Variants in ADCY2 observed in about 807,000 individuals in gnomAD.
ADCY2 encodes adenylate cyclase 2, also known as adenylate cyclase type 2.
In ADCY2, 31 loss-of-function variants were observed where a neutral mutation model predicts 125.2. The observed-to-expected ratio is 0.25, with a 90% confidence interval of 0.19 to 0.33. The LOEUF (loss-of-function observed/expected upper bound fraction) is 0.33, where lower values mean the gene tolerates loss of function less well. ADCY2 is among the 10% of genes least tolerant of loss of function. The pLI, the probability that ADCY2 is intolerant of heterozygous loss-of-function variation, is 1.00. For missense variants in ADCY2, 904 were observed against 1,418.2 expected, an observed-to-expected ratio of 0.64 and a Z score of 5.82; for synonymous variants, 512 against 548.4, an observed-to-expected ratio of 0.93 and a Z score of 0.93.
chr5:7,682,288 T>C (rs1740364122), intron 4 of ADCY2, among the ~76,000 whole-genome samples: 1 of 152,170 alleles, frequency 6.6e-6, no homozygotes, highest in Non-Finnish European at 1.5e-5. Context: ...AGAGGGTGCA[T>C]TTCCGTGCAA....
At chr5:7,512,673 A>T (rs1037460363) in intron 2 of ADCY2, among the ~76,000 whole-genome samples, 4 of 152,152 alleles carry the variant, frequency 2.6e-5, no homozygotes. Flanking sequence ...TGTAAATAAT[A>T]TTAACAATTT....
intron 2 of ADCY2, among the ~76,000 whole-genome samples, chr5:7,436,087 C>T (rs771001496): frequency 2.0e-5 from 3 of 152,208 alleles, no homozygotes; most frequent in Admixed American, 6.5e-5. Flanking sequence ...TGGTGTCATT[C>T]ACAGAGTTCA....
At chr5:7,755,346 G>C (rs140902960) in intron 15 of ADCY2, among the ~76,000 whole-genome samples, 7 of 152,092 alleles carry the variant, frequency 4.6e-5, no homozygotes, top group Non-Finnish European at 8.8e-5. Context: ...TCTCCCTCAG[G>C]GGGGCATGTG....
intron 11 of ADCY2, among the ~76,000 whole-genome samples, chr5:7,714,573 C>T (rs367708666): frequency 1.3e-5 from 2 of 152,234 alleles, no homozygotes; most frequent in East Asian, 1.9e-4. Flanking sequence ...AGAATGCCAG[C>T]GTCACATGGC....
chr5:7,714,000 G>A (rs189133003), intron 11 of ADCY2, among the ~76,000 whole-genome samples: 13 of 152,304 alleles, frequency 8.5e-5, no homozygotes, highest in East Asian at 3.9e-4. Context: ...CTAAGTGACC[G>A]TTGGGATGAG....
chr5:7,557,686 C>A (rs1735569182), intron 3 of ADCY2, among the ~76,000 whole-genome samples: 1 of 152,166 alleles, frequency 6.6e-6, no homozygotes, highest in South Asian at 2.1e-4. Context: ...CCTGTCCCTG[C>A]ATAAGGACAC....
intron 7 of ADCY2, among the ~76,000 whole-genome samples, chr5:7,704,508 A>G (rs1741197217): frequency 6.6e-6 from 1 of 152,138 alleles, no homozygotes; most frequent in African/African-American, 2.4e-5. Context: ...CTGTTTACCT[A>G]CTACTCTTGC....
chr5:7,530,445 T>G (rs1217759590), intron 3 of ADCY2, among the ~76,000 whole-genome samples: 12 of 152,038 alleles, frequency 7.9e-5, no homozygotes, highest in Non-Finnish European at 4.4e-5. Flanking sequence ...AATGGCATGA[T>G]CATAGCTCAC....
chr5:7,568,479 A>G (rs924325440), intron 3 of ADCY2, among the ~76,000 whole-genome samples: 1 of 151,662 alleles, frequency 6.6e-6, no homozygotes, highest in Non-Finnish European at 1.5e-5. Flanking sequence ...ATTTTGTTGT[A>G]TGAGTGCTTT....
chr5:7,754,974 C>CAATAATGA (rs2126453950), intron 15 of ADCY2, among the ~76,000 whole-genome samples: 1 of 152,298 alleles, frequency 6.6e-6, no homozygotes, highest in South Asian at 2.1e-4. Flanking sequence ...ATGCATTAAA[C>CAATAATGA]AATAATGATA....
At chr5:7,672,936 G>T (rs1739981623) in intron 4 of ADCY2, among the ~76,000 whole-genome samples, 1 of 151,906 alleles carries the variant, frequency 6.6e-6, no homozygotes, top group Non-Finnish European at 1.5e-5. Flanking sequence ...TCCATGTCCT[G>T]GGATGTCATC....
At chr5:7,590,305 T>G (rs2126624494) in intron 3 of ADCY2, among the ~76,000 whole-genome samples, 1 of 152,328 alleles carries the variant, frequency 6.6e-6, no homozygotes, top group East Asian at 1.9e-4. Flanking sequence ...GCCATCTAAT[T>G]TCATTTACTC....
chr5:7,586,452 C>A (rs1157435618), intron 3 of ADCY2, among the ~76,000 whole-genome samples: 1 of 152,186 alleles, frequency 6.6e-6, no homozygotes, highest in Non-Finnish European at 1.5e-5. Context: ...CTTTCCAGAT[C>A]TCAGTGCAGG....
chr5:7,683,044 C>T (rs564892602), intron 4 of ADCY2, among the ~76,000 whole-genome samples: 3 of 152,166 alleles, frequency 2.0e-5, no homozygotes, highest in Non-Finnish European at 4.4e-5. Flanking sequence ...ACCACTGAAA[C>T]GACCACATTC....
At chr5:7,655,922 C>T (rs1739307088) in intron 4 of ADCY2, among the ~76,000 whole-genome samples, 1 of 152,154 alleles carries the variant, frequency 6.6e-6, no homozygotes, top group Non-Finnish European at 1.5e-5. Flanking sequence ...GACCCAGATG[C>T]TTCTTCACCA....
chr5:7,634,039 A>G (rs1738409409), intron 4 of ADCY2, among the ~76,000 whole-genome samples: 1 of 152,250 alleles, frequency 6.6e-6, no homozygotes, highest in African/African-American at 2.4e-5. Flanking sequence ...ATATAGAAAC[A>G]AAACTCAAGT....
At chr5:7,498,942 A>G (rs766703586) in intron 2 of ADCY2, among the ~76,000 whole-genome samples, 4 of 152,216 alleles carry the variant, frequency 2.6e-5, no homozygotes, top group Non-Finnish European at 4.4e-5. Flanking sequence ...TATATGTTGT[A>G]TGAGTCCATT....
intron 3 of ADCY2, among the ~76,000 whole-genome samples, chr5:7,586,985 G>T (rs1736648851): frequency 6.6e-6 from 1 of 152,294 alleles, no homozygotes; most frequent in African/African-American, 2.4e-5. Context: ...TATATAGATA[G>T]ATAGATAGAC....
chr5:7,499,250 C>T (rs1453970113), intron 2 of ADCY2, among the ~76,000 whole-genome samples: 8 of 152,094 alleles, frequency 5.3e-5, no homozygotes, highest in African/African-American at 1.9e-4. Context: ...TCATGATCCA[C>T]CCATCTCGGC....
Sources: gnomAD v4.1 joint callset for allele counts (sites outside exome capture counted in the v4.1 genomes callset) on GRCh38, gnomAD v4.1.1 for gene constraint, MANE v1.5 for transcripts, NCBI Gene and HGNC (gene_info 2026-07-23, HGNC 2026-07-21) for gene names.